The following LRATD1 variants were observed in gnomAD, a reference collection of about 807,000 sequenced individuals.
The protein encoded by LRATD1 is LRAT domain containing 1, also known as protein LRATD1.
In LRATD1, 8 loss-of-function variants were observed where a neutral mutation model predicts 21.3. The observed-to-expected ratio is 0.38, with a 90% CI of 0.22 to 0.68. The LOEUF (loss-of-function observed/expected upper bound fraction) is 0.68. LRATD1 is among the 30% of genes least tolerant of loss of function. The pLI is 0.54. For missense variants in LRATD1, 380 were observed against 404.0 expected (o/e 0.94, Z 0.51); for synonymous variants, 210 against 186.2 (o/e 1.13, Z -1.04).
chr2:14,639,132 T>A lies in LRATD1; in HGVS notation c.*4274T>A, dbSNP rs1055997271. On this transcript the variant is annotated 3_prime_UTR_variant, in exon 2 of 2. Coordinates refer to ENST00000295092, the MANE Select transcript of LRATD1 (RefSeq NM_145175.4). ...CACACACACACACACACACACAGGC[T>A]ACTTAAAATAGAGAGTGACTTGAGA... The A allele has an allele frequency of 6.1e-6, 1 of 162,754 alleles. No homozygotes were observed. Among genetic ancestry groups the A allele is most frequent in the Non-Finnish European group, 1.5e-5 (1 of 67,262 alleles). 10.1% of individuals were successfully genotyped at this position (162,754 alleles called of 1,614,324 possible). A position where few individuals can be genotyped will look rare whatever the true frequency, so the allele number is the denominator to read the frequency against.
Position 14,634,038 on chromosome 2 carries a change from A to T in LRATD1, c.59A>T (p.Asp20Val). 1 of 1,613,916 alleles carries T rather than the reference A, an allele frequency of 6.2e-7. No homozygotes were observed. The highest frequency in any genetic ancestry group is 8.5e-7 in the Non-Finnish European group (1 of 1,179,984). The change falls in exon 2 of 2, where the codon GAC becomes GTC. Residue 20 changes from aspartate to valine, a missense_variant. By Grantham distance (152) the Asp-to-Val change is radical. Transcript: ENST00000295092. ...HLNYSELPTG[D>V]PSGIEKDELR... ...AACTACAGCGAGTTGCCCACAGGGGACCCGTCGGGGATTGAAAAGGACGAA... is the reference window on the plus strand; with the variant it reads ...AACTACAGCGAGTTGCCCACAGGGGTCCCGTCGGGGATTGAAAAGGACGAA...
downstream of LRATD1, among the ~76,000 whole-genome samples, chr2:14,640,225 G>A (rs1176300037): frequency 5.3e-5 from 8 of 152,014 alleles, no homozygotes; most frequent in Non-Finnish European, 1.2e-4. Context: ...ATTTTCTTTG[G>A]TATATGGGAA....
intron 2 of LRATD1, chr2:14,646,057 G>T (rs1185329086): frequency 6.6e-6 from 1 of 152,134 alleles, no homozygotes; most frequent in Non-Finnish European, 1.5e-5. Flanking sequence ...TCCTTTGTAA[G>T]ATTTTCCTGG....
At position 14,639,080 on chromosome 2, in the gene LRATD1, AG is replaced by A. The variant is rs1671754554; in HGVS notation, c.*4223del. ...TGTGTACACATACATTTTTGCCTAT[AG>A]CTAGCAATTATTTCATTCAGATACA... On this transcript the variant is annotated 3_prime_UTR_variant, in exon 2 of 2. Coordinates refer to ENST00000295092, the MANE Select transcript of LRATD1 (RefSeq NM_145175.4). The A allele has an allele frequency of 6.1e-6, 1 of 164,960 alleles. No individual in the cohort carries two copies. Among genetic ancestry groups the A allele is most frequent in the African/African-American group, 2.5e-5 (1 of 40,142 alleles). 10.2% of individuals were successfully genotyped at this position (164,960 alleles called of 1,614,324 possible). A position where few individuals can be genotyped will look rare whatever the true frequency, so the allele number is the denominator to read the frequency against.
At chr2:14,648,387 A>G (rs933435918) in intron 4 of LRATD1, among the ~76,000 whole-genome samples, 2 of 152,160 alleles carry the variant, frequency 1.3e-5, no homozygotes, top group Non-Finnish European at 2.9e-5. Context: ...AAATATTAAC[A>G]CTTTTTAAAA....
At position 14,634,400 on chromosome 2, in the gene LRATD1, G is replaced by A. The variant is rs777929560; in HGVS notation, c.421G>A (p.Ala141Thr). 6 of 1,539,290 alleles carry A rather than the reference G, an allele frequency of 3.9e-6. No homozygotes were observed. The highest frequency in any genetic ancestry group is 3.5e-6 in the Non-Finnish European group (4 of 1,146,896). Residue 141 changes from alanine (A) to threonine (T), a missense_variant, in exon 2 of 2, where the codon GCC (alanine) becomes ACC (threonine). Ala to Thr is a moderately conservative substitution (Grantham distance 58). Coordinates refer to ENST00000295092, the MANE Select transcript of LRATD1 (RefSeq NM_145175.4). ...GCCCGCGCCGGAGCCGCCCGCGCCC[G>A]CCCCGCACTGGGCCGTCTACGTGGG... ...LQPAPEPPAP[A>T]PHWAVYVGGG...
chr2:14,648,237 C>T (rs973971765), intron 4 of LRATD1, among the ~76,000 whole-genome samples: 1 of 152,176 alleles, frequency 6.6e-6, no homozygotes, highest in African/African-American at 2.4e-5. Flanking sequence ...CCTTTGGAGC[C>T]TCTGCCTATT....
At chr2:14,642,755 CA>C (rs1330179510), downstream of LRATD1, among the ~76,000 whole-genome samples, 1 of 152,114 alleles carries the variant, frequency 6.6e-6, no homozygotes, top group Non-Finnish European at 1.5e-5. Flanking sequence ...GCTGGTTGAA[CA>C]GCTAGAATAA....
At chr2:14,646,631 T>C (rs1175607809) in intron 4 of LRATD1, among the ~76,000 whole-genome samples, 1 of 152,180 alleles carries the variant, frequency 6.6e-6, no homozygotes, top group Non-Finnish European at 1.5e-5. Flanking sequence ...TATTTGCAAT[T>C]TTAATCAAAA....
rs964808029 is a variant in LRATD1 at position 14,634,528 on chromosome 2, C to T, written c.549C>T (p.Arg183=). The T allele has an allele frequency of 4.7e-6, 7 of 1,499,658 alleles. No homozygotes were observed. In the African/African-American group the frequency reaches 9.8e-5, roughly 21 times the overall value. 92.9% of individuals were successfully genotyped at this position (1,499,658 alleles called of 1,614,324 possible). ...NVGRVVNSWY[R]YRPLVAELVV... is the part of the protein sequence containing the mutation. ...GCCGGGTGGTGAATAGCTGGTACCG[C>T]TACCGCCCGCTGGTGGCCGAGCTGG... The change falls in exon 2 of 2, where the codon CGC becomes CGT. Residue 183 remains arginine, a synonymous_variant. Transcript: ENST00000295092.
intron 4 of LRATD1, among the ~76,000 whole-genome samples, chr2:14,647,441 G>A (rs1196267473): frequency 6.6e-6 from 1 of 152,042 alleles, no homozygotes; most frequent in African/African-American, 2.4e-5. Context: ...GAAAATGGGT[G>A]TTTCTTAGAA....
At position 14,639,268 on chromosome 2, in the gene LRATD1, A is replaced by T. The variant is rs1671759279; in HGVS notation, c.*4410A>T. On this transcript the variant is annotated 3_prime_UTR_variant, in exon 2 of 2. Coordinates refer to ENST00000295092, the MANE Select transcript of LRATD1 (RefSeq NM_145175.4). ...AAAAAGAAAATGTGGGAGTTGTGCA[A>T]TTAGTTTTATTCTCATTTTTTGGAA... 1 of 167,032 alleles carries T rather than the reference A, an allele frequency of 6.0e-6. No homozygotes were observed. The allele number at this position is 167,032 out of a possible 1,614,324, so 10.3% of individuals were successfully genotyped here.
At chr2:14,649,927 C>G (rs1671974056), downstream of LRATD1, 1 of 152,964 alleles carries the variant, frequency 6.5e-6, no homozygotes, top group South Asian at 2.1e-4. Flanking sequence ...AACTTGCTCA[C>G]TTCTAACACC....
rs1191435639 is a variant in LRATD1, at chr2:14,635,418, C to A, written c.*560C>A. On this transcript the variant is annotated 3_prime_UTR_variant, in exon 2 of 2. Coordinates refer to ENST00000295092, the MANE Select transcript of LRATD1 (RefSeq NM_145175.4). ...GGAATAATTCCCCAAGACAGCACTT[C>A]GGGATTCCGGGTTATCCTGAGGCTG... is the stretch of plus-strand genomic sequence containing the variant. The A allele has an allele frequency of 8.5e-6, 4 of 471,370 alleles. No homozygotes were observed. Among genetic ancestry groups the A allele is most frequent in the Non-Finnish European group, 1.8e-5 (4 of 227,270 alleles). The allele number at this position is 471,370 out of a possible 1,614,324, so 29.2% of individuals were successfully genotyped here. A position where few individuals can be genotyped will look rare whatever the true frequency, so the allele number is the denominator to read the frequency against.
In LRATD1 at chr2:14,634,226, G is replaced by C; in HGVS notation, c.247G>C (p.Glu83Gln). ...CCTGCTGCACCAGCTGGTCCTCAAC[G>C]AGACTCAGTTTTCCGCCTTTCGGGG... ...HHLLHQLVLN[E>Q]TQFSAFRGQE... Residue 83 changes from glutamate to glutamine, a missense_variant, in exon 2 of 2, where the codon GAG becomes CAG. By Grantham distance (29) the Glu-to-Gln change is conservative. Transcript: ENST00000295092. The C allele has an allele frequency of 1.2e-6, 2 of 1,612,732 alleles. No homozygotes were observed. The highest frequency in any genetic ancestry group is 1.7e-6 in the Non-Finnish European group (2 of 1,179,882).
chr2:14,642,171 C>T (rs1671818128), downstream of LRATD1: 8 of 152,648 alleles, frequency 5.2e-5, no homozygotes, highest in South Asian at 1.7e-3. Flanking sequence ...CGAGATTCTC[C>T]TTAAGAATCA....
chr2:14,650,187 C>T (rs1671982528), downstream of LRATD1: 1 of 152,208 alleles, frequency 6.6e-6, no homozygotes. Context: ...TTCTAGCTCT[C>T]ACTGTAGCAT....
Position 14,634,129 on chromosome 2 carries a change from C to T in LRATD1, c.150C>T (p.Pro50=), listed in dbSNP as rs764712944. 2 of 1,613,994 alleles carry T rather than the reference C, an allele frequency of 1.2e-6. No individual in the cohort carries two copies. The highest frequency in any genetic ancestry group is 2.7e-5 in the African/African-American group (2 of 74,936). ...DEEDLDERGQ[P]DKFGVKAPPG... ...AAGACCTGGACGAACGCGGGCAGCC[C>T]GACAAGTTTGGCGTGAAGGCCCCCC... The change falls in exon 2 of 2, where the codon CCC becomes CCT. Residue 50 remains proline (P), a synonymous_variant. Transcript: ENST00000295092.
chr2:14,635,445 C>T lies in LRATD1; in HGVS notation c.*587C>T, dbSNP rs1427368539. 1 of 471,302 alleles carries T rather than the reference C, an allele frequency of 2.1e-6. No individual in the cohort carries two copies. Among genetic ancestry groups the T allele is most frequent in the South Asian group, 1.5e-5 (1 of 64,574 alleles). 29.2% of individuals were successfully genotyped at this position (471,302 alleles called of 1,614,324 possible). On this transcript the variant is annotated 3_prime_UTR_variant, in exon 2 of 2. Coordinates refer to ENST00000295092, the MANE Select transcript of LRATD1 (RefSeq NM_145175.4). The stretch of plus-strand genomic sequence containing the variant: ...GGATTCCGGGTTATCCTGAGGCTGC[C>T]CGGGACTTTTCCAGCTCTCCAGCCC...
Sources: allele counts gnomAD v4.1 joint callset (sites outside exome capture counted in the v4.1 genomes callset), GRCh38; gene constraint gnomAD v4.1.1; transcripts MANE v1.5; gene names NCBI Gene and HGNC (gene_info 2026-07-23, HGNC 2026-07-21).